The following MGRN1 variants were observed in gnomAD, a reference collection of about 807,000 sequenced individuals.
MGRN1 encodes the protein mahogunin ring finger 1, also known as E3 ubiquitin-protein ligase MGRN1.
A neutral mutation model predicts 69.2 loss-of-function variants in MGRN1; 29 were observed. That is an observed-to-expected ratio of 0.42 (90% CI 0.31 to 0.57). MGRN1 has a LOEUF of 0.57. Ranked by LOEUF, MGRN1 falls within the 20% of genes least tolerant of loss-of-function variation. The pLI, the probability that MGRN1 is intolerant of heterozygous loss-of-function variation, is 0.15. For synonymous variants in MGRN1, 470 were observed against 344.2 expected (o/e 1.37, Z -4.04); for missense variants, 998 against 796.2 (o/e 1.25, Z -3.05).
intron 4 of MGRN1, 116 bp downstream of exon 4, chr16:4,652,940 C>CT (rs1362510147): frequency 1.5e-6 from 2 of 1,299,796 alleles, no homozygotes; most frequent in East Asian, 5.6e-5. Context: ...TTTGACCATA[C>CT]TCCCAGGACT....
intron 1 of MGRN1, among the ~76,000 whole-genome samples, chr16:4,632,583 A>G (rs939229635): frequency 6.6e-6 from 1 of 151,952 alleles, no homozygotes; most frequent in East Asian, 1.9e-4. Flanking sequence ...TTTAGTGGAG[A>G]TGTGGTTTCA....
chr16:4,679,612 A>G (rs1198420863), intron 11 of MGRN1, among the ~76,000 whole-genome samples: 1 of 152,186 alleles, frequency 6.6e-6, no homozygotes, highest in East Asian at 1.9e-4. Context: ...GGTTGGTGAT[A>G]AGTGAGCGGC....
Position 4,624,935 on chromosome 16 carries a change from C to G in MGRN1, c.-26C>G. 2 of 1,518,178 alleles carry G rather than the reference C, an allele frequency of 1.3e-6. No individual in the cohort carries two copies. Among genetic ancestry groups the G allele is most frequent in the Admixed American group, 2.1e-5 (1 of 46,968 alleles). The allele number at this position is 1,518,178 out of a possible 1,614,324, so 94.0% of individuals were successfully genotyped here. A position where few individuals can be genotyped will look rare whatever the true frequency, so the allele number is the denominator to read the frequency against. ...TCGCCGCTCCCGTTCCGGCCCTGGC[C>G]CCTCTGCCCGGCAGCGCCGCGCACC... is the stretch of plus-strand genomic sequence containing the variant. On this transcript the variant is annotated 5_prime_UTR_variant, in exon 1 of 17. Transcript: ENST00000262370.
intron 13 of MGRN1, among the ~76,000 whole-genome samples, chr16:4,682,277 C>T (rs568789228): frequency 1.3e-5 from 2 of 152,260 alleles, no homozygotes; most frequent in Non-Finnish European, 1.5e-5. Flanking sequence ...GTGCATCATC[C>T]ATCACTCATA....
At chr16:4,682,193 G>C (rs958315797) in intron 13 of MGRN1, among the ~76,000 whole-genome samples, 1 of 152,224 alleles carries the variant, frequency 6.6e-6, no homozygotes, top group African/African-American at 2.4e-5. Context: ...ACCTGACAGT[G>C]ACCCAGGCAC....
At chr16:4,654,116 A>C (rs1399916907) in intron 4 of MGRN1, among the ~76,000 whole-genome samples, 1 of 152,042 alleles carries the variant, frequency 6.6e-6, no homozygotes, top group Non-Finnish European at 1.5e-5. Context: ...CAAGTCTCTA[A>C]TCATGGCTTG....
At chr16:4,656,322 TA>T (rs751267087) in intron 4 of MGRN1, among the ~76,000 whole-genome samples, 1 of 152,158 alleles carries the variant, frequency 6.6e-6, no homozygotes, top group African/African-American at 2.4e-5. Context: ...ACTGAATCAG[TA>T]AAACCAAAGC....
intron 1 of MGRN1, chr16:4,650,131 C>G (rs149070114): frequency 2.3e-5 from 9 of 396,420 alleles, no homozygotes; most frequent in African/African-American, 1.3e-4. Flanking sequence ...GGTGAAACCC[C>G]GTCTCCACTA....
chr16:4,659,924 G>C (rs2078637927), intron 5 of MGRN1, among the ~76,000 whole-genome samples: 1 of 152,250 alleles, frequency 6.6e-6, no homozygotes, highest in Non-Finnish European at 1.5e-5. Context: ...TGGCCATCCG[G>C]CTGGGTCCGG....
intron 10 of MGRN1, among the ~76,000 whole-genome samples, chr16:4,675,609 T>G (rs967125146): frequency 1.3e-5 from 2 of 151,772 alleles, no homozygotes; most frequent in Non-Finnish European, 2.9e-5. Flanking sequence ...GTGTTGGCTA[T>G]AGTACCAGTG....
At chr16:4,682,128 G>C (rs541846598) in intron 13 of MGRN1, among the ~76,000 whole-genome samples, 45 of 152,316 alleles carry the variant, frequency 3.0e-4, no homozygotes, top group Non-Finnish European at 5.4e-4. Flanking sequence ...TCATTGGGGG[G>C]CTGGCCACGT....
At chr16:4,632,247 C>G (rs553021709) in intron 1 of MGRN1, among the ~76,000 whole-genome samples, 1 of 151,910 alleles carries the variant, frequency 6.6e-6, no homozygotes, top group East Asian at 1.9e-4. Context: ...ATCTATTGAC[C>G]TTTTGACCCG....
chr16:4,681,614 G>A lies in MGRN1; in HGVS notation c.1196G>A (p.Arg399Gln), dbSNP rs1301184346. The change falls in exon 13 of 17, where the codon CGG becomes CAG. Residue 399 changes from arginine (R) to glutamine (Q), a missense_variant. Transcript: ENST00000262370. Reference sequence around the variant, plus strand: ...CTGCTCGAGGCGCTCAACGGCCTCCGGGCTGTCTCCCCGGCCATCCCCTCG... The same window carrying A: ...CTGCTCGAGGCGCTCAACGGCCTCCAGGCTGTCTCCCCGGCCATCCCCTCG... ...ISLLEALNGLRAVSPAIPSAP... is the reference protein window; with the variant it reads ...ISLLEALNGLQAVSPAIPSAP... The A allele has an allele frequency of 8.1e-6, 13 of 1,613,458 alleles. No individual in the cohort carries two copies. The highest frequency in any genetic ancestry group is 1.3e-5 in the African/African-American group (1 of 75,076).
chr16:4,658,963 C>G (rs375677352), intron 5 of MGRN1: 1 of 152,194 alleles, frequency 6.6e-6, no homozygotes, highest in African/African-American at 2.4e-5. Context: ...TGCCAGCGCA[C>G]TTCAGCCTGG....
intron 1 of MGRN1, 173 bp from the exon 2 acceptor site, chr16:4,650,192 A>G: frequency 3.8e-6 from 2 of 523,106 alleles, no homozygotes; most frequent in South Asian, 2.2e-5. Context: ...AATCCCAGCT[A>G]CTCGGGAGGC....
At chr16:4,629,773 T>G (rs1897902557) in intron 1 of MGRN1, among the ~76,000 whole-genome samples, 1 of 146,024 alleles carries the variant, frequency 6.8e-6, no homozygotes. Context: ...CGGCTGGGTG[T>G]GGTGGTTCAT....
rs560890725 is a variant in MGRN1 at position 4,686,174 on chromosome 16, C to T, written c.1618+2242C>T. 28 of 1,489,262 alleles carry T rather than the reference C, an allele frequency of 1.9e-5. No individual in the cohort carries two copies. In the South Asian group the frequency reaches 3.1e-4, roughly 16 times the overall value. 92.3% of individuals were successfully genotyped at this position (1,489,262 alleles called of 1,614,324 possible). ...TTCTAGACGGCCTCGACCGTGTCCC[C>T]AAGCTGGTGCCCTTGCTGTGGCTGT... On this transcript the variant is annotated intron_variant, in intron 16 of 16. Coordinates refer to ENST00000262370, the MANE Select transcript of MGRN1 (RefSeq NM_015246.4).
chr16:4,666,135 T>C (rs1255655069), intron 7 of MGRN1, among the ~76,000 whole-genome samples: 1 of 151,366 alleles, frequency 6.6e-6, no homozygotes, highest in Non-Finnish European at 1.5e-5. Context: ...GGCCATCTCT[T>C]TTCTTTTTTT....
intron 11 of MGRN1, among the ~76,000 whole-genome samples, chr16:4,678,426 G>A (rs2079102264): frequency 6.6e-6 from 1 of 152,160 alleles, no homozygotes; most frequent in Admixed American, 6.5e-5. Context: ...GAGACACAGA[G>A]ACAGGATGAG....
Sources: gnomAD v4.1 joint callset for allele counts (sites outside exome capture counted in the v4.1 genomes callset) on GRCh38, gnomAD v4.1.1 for gene constraint, MANE v1.5 for transcripts, NCBI Gene and HGNC (gene_info 2026-07-23, HGNC 2026-07-21) for gene names.